ZNF638: variants seen among roughly 807,000 people sequenced by gnomAD.
ZNF638 encodes zinc finger protein 638, also known as CTCL tumor antigen se33-1.
ZNF638 carries 46 observed loss-of-function variants against 195.6 expected under a neutral mutation model. That is an observed-to-expected ratio of 0.24 (90% confidence interval 0.19 to 0.30). The LOEUF is 0.30. Among genes scored for constraint, ZNF638 ranks in the 10% least tolerant of loss-of-function variants. ZNF638 has a pLI of 1.00. For missense variants in ZNF638, 2,440 were observed against 2,325.3 expected, an observed-to-expected ratio of 1.05 and a Z score of -1.01; for synonymous variants, 845 against 772.0, an observed-to-expected ratio of 1.09 and a Z score of -1.57.
rs113860201 is a variant in ZNF638 at position 71,351,842 on chromosome 2, G to A, written c.1317+1571G>A. Among the ~76,000 whole-genome samples the A allele has an allele frequency of 1.4e-3, 214 of 152,272 alleles. 2 individuals are homozygous for A. The highest frequency in any genetic ancestry group is 4.6e-3 in the African/African-American group (193 of 41,560). ...CAATTAGAAGACAACAAGTGGTTTT[G>A]TGATTGATTTAACTTGTTTGGATAT... On this transcript the variant is annotated intron_variant, in intron 2 of 27. Transcript: ENST00000264447.
rs554738543 is a variant in ZNF638 at position 71,424,765 on chromosome 2, C to T, written c.4590+50C>T. The T allele has an allele frequency of 1.1e-5, 16 of 1,425,252 alleles. No individual in the cohort carries two copies. The East Asian group carries it at 3.0e-4, about 26-fold the overall frequency. The allele number at this position is 1,425,252 out of a possible 1,614,324, so 88.3% of individuals were successfully genotyped here. A position where few individuals can be genotyped will look rare whatever the true frequency, so the allele number is the denominator to read the frequency against. The stretch of plus-strand genomic sequence containing the variant: ...ACCCTTCTTTTTCATCTCCATAGCA[C>T]AGTTCATCTATCTTATAACTTGTGC... On this transcript the variant is annotated intron_variant, in intron 23 of 27. Transcript: ENST00000264447.
chr2:71,420,331 ATAAT>A (rs1287064463), intron 21 of ZNF638, among the ~76,000 whole-genome samples: 1 of 152,168 alleles, frequency 6.6e-6, no homozygotes, highest in Non-Finnish European at 1.5e-5. Context: ...TCATAATTTA[ATAAT>A]TCACACTGTA....
chr2:71,402,801 A>G (rs1264065630), intron 16 of ZNF638, among the ~76,000 whole-genome samples: 1 of 152,218 alleles, frequency 6.6e-6, no homozygotes, highest in Non-Finnish European at 1.5e-5. Context: ...CACCATTAGA[A>G]TAGTGGGAAG....
At chr2:71,375,771 C>T (rs893385630) in intron 8 of ZNF638, 5 of 152,090 alleles carry the variant, frequency 3.3e-5, no homozygotes, top group African/African-American at 1.2e-4. Flanking sequence ...ATTTTGAAGG[C>T]AAAGAAAGCC....
At chr2:71,398,506 G>C (rs1166676223) in intron 11 of ZNF638, among the ~76,000 whole-genome samples, 195 bp from the exon 12 acceptor site, 2 of 152,128 alleles carry the variant, frequency 1.3e-5, no homozygotes, top group African/African-American at 2.4e-5. Context: ...TCTTATTTCA[G>C]TGATTTCTTT....
intron 10 of ZNF638, among the ~76,000 whole-genome samples, chr2:71,386,381 T>C (rs899395523): frequency 4.6e-5 from 7 of 151,418 alleles, no homozygotes; most frequent in African/African-American, 1.5e-4. Context: ...CACATACATA[T>C]ACAAGTACAC....
At chr2:71,429,577 C>T (rs771057336) in intron 25 of ZNF638, among the ~76,000 whole-genome samples, 1 of 152,002 alleles carries the variant, frequency 6.6e-6, no homozygotes, top group Non-Finnish European at 1.5e-5. Flanking sequence ...AAGAAATATC[C>T]CTTTGACCTT....
rs183310447 is a variant in ZNF638, at chr2:71,433,144, T to C, written c.5753-21T>C. 129 of 1,466,138 alleles carry C rather than the reference T, an allele frequency of 8.8e-5. No homozygotes were observed. In the African/African-American group the frequency reaches 1.7e-3, roughly 19 times the overall value. 90.8% of individuals were successfully genotyped at this position (1,466,138 alleles called of 1,614,324 possible). A position where few individuals can be genotyped will look rare whatever the true frequency, so the allele number is the denominator to read the frequency against. On this transcript the variant is annotated intron_variant, in intron 26 of 27. Transcript: ENST00000264447. ...AGATTAATTATTGTTAATTTTCTTC[T>C]TGTCTCTTCTTATCCTCTAGAATTA...
At chr2:71,388,793 A>G in intron 10 of ZNF638, 1 of 818,354 alleles carries the variant, frequency 1.2e-6, no homozygotes. Context: ...TCATCATGAG[A>G]CAACAGCTGT....
Position 71,431,437 on chromosome 2 carries a change from A to G in ZNF638, c.5752+9A>G. The G allele has an allele frequency of 6.2e-7, 1 of 1,611,638 alleles. No homozygotes were observed. Among genetic ancestry groups the G allele is most frequent in the East Asian group, 2.2e-5 (1 of 44,836 alleles). ...GTCTGATGTCCCTGAGGGTAAAGTT[A>G]AAATGACATTTTTTTCTTACCCATA... On this transcript the variant is annotated intron_variant, in intron 26 of 27. Coordinates refer to ENST00000264447, the MANE Select transcript of ZNF638 (RefSeq NM_014497.5).
chr2:71,395,207 A>C, intron 10 of ZNF638: 1 of 717,088 alleles, frequency 1.4e-6, no homozygotes, highest in Non-Finnish European at 2.6e-6. Flanking sequence ...AATATTACTA[A>C]TTATACTCAT....
intron 1 of ZNF638, among the ~76,000 whole-genome samples, chr2:71,335,047 AT>A (rs991094910): frequency 6.6e-6 from 1 of 152,124 alleles, no homozygotes; most frequent in Non-Finnish European, 1.5e-5. Context: ...TTTAACGTAC[AT>A]TATGTTTTTT....
At chr2:71,387,995 T>A (rs556204866) in intron 10 of ZNF638, among the ~76,000 whole-genome samples, 2 of 152,250 alleles carry the variant, frequency 1.3e-5, no homozygotes, top group East Asian at 3.9e-4. Flanking sequence ...TTTAAACATA[T>A]GAAGACGGAT....
intron 26 of ZNF638, among the ~76,000 whole-genome samples, chr2:71,432,570 T>G (rs1332208400): frequency 6.6e-6 from 1 of 152,240 alleles, no homozygotes; most frequent in Non-Finnish European, 1.5e-5. Flanking sequence ...TGAACAGTTC[T>G]TTGTTATCCG....
intron 3 of ZNF638, among the ~76,000 whole-genome samples, chr2:71,358,996 C>T (rs968077113): frequency 6.6e-6 from 1 of 152,134 alleles, no homozygotes; most frequent in Non-Finnish European, 1.5e-5. Context: ...TAAAAACATG[C>T]TATTGTACAG....
intron 25 of ZNF638, among the ~76,000 whole-genome samples, chr2:71,429,911 A>G (rs1392334223): frequency 6.6e-6 from 1 of 152,140 alleles, no homozygotes; most frequent in African/African-American, 2.4e-5. Flanking sequence ...TCCATAAACA[A>G]TCTTTGATAA....
At position 71,396,211 on chromosome 2, in the gene ZNF638, A is replaced by T. The variant is rs756678293; in HGVS notation, c.2428+20A>T. The T allele has an allele frequency of 2.5e-6, 4 of 1,595,552 alleles. No individual in the cohort carries two copies. The highest frequency in any genetic ancestry group is 3.4e-6 in the Non-Finnish European group (4 of 1,169,136). On this transcript the variant is annotated intron_variant, in intron 11 of 27. Transcript: ENST00000264447. ...CTACAGGTATGTTTTTTTAATTAGG[A>T]TTCTAGACTATTAGTTAAAACTTTA...
At chr2:71,422,715 A>C in intron 21 of ZNF638, 99 bp from the exon 22 acceptor site, 1 of 1,257,878 alleles carries the variant, frequency 7.9e-7, no homozygotes, top group South Asian at 1.6e-5. Flanking sequence ...AACAATTGGC[A>C]TCAGCAGGAT....
chr2:71,345,419 G>A (rs916603277), intron 1 of ZNF638, among the ~76,000 whole-genome samples: 1 of 152,172 alleles, frequency 6.6e-6, no homozygotes, highest in African/African-American at 2.4e-5. Flanking sequence ...TTTTGAGACA[G>A]TGTCTGCTTT....
Sources: gnomAD v4.1 joint callset for allele counts (sites outside exome capture counted in the v4.1 genomes callset) on GRCh38, gnomAD v4.1.1 for gene constraint, MANE v1.5 for transcripts, NCBI Gene and HGNC (gene_info 2026-07-23, HGNC 2026-07-21) for gene names.